Variants in TXNL1 observed in about 807,000 individuals in gnomAD.
The protein encoded by TXNL1 is thioredoxin-like protein 1.
A neutral mutation model predicts 35.5 loss-of-function variants in TXNL1; 14 were observed. The ratio of observed to expected loss-of-function variants is 0.39; its 90% CI spans 0.26 to 0.62. TXNL1 has a LOEUF of 0.62. Among genes scored for constraint, TXNL1 ranks in the 20% least tolerant of loss-of-function variants. The pLI, the probability that TXNL1 is intolerant of heterozygous loss-of-function variation, is 0.47. For missense variants in TXNL1, 263 were observed against 349.7 expected (o/e 0.75, Z 1.98); for synonymous variants, 110 against 115.5 (o/e 0.95, Z 0.31).
Position 56,626,409 on chromosome 18 carries a change from A to G in TXNL1, c.147T>C (p.Asn49=), listed in dbSNP as rs757397861. ...CCAAGAAAACAGCCTGTGGATATTT[A>G]TTACTCATAGAACTGAATGCTGGGG... is the stretch of plus-strand genomic sequence containing the variant. ...RIAPAFSSMS[N]KYPQAVFLEV... is the part of the protein sequence containing the mutation. The change falls in exon 2 of 8, where the codon AAT becomes AAC. Residue 49 remains asparagine (N), a synonymous_variant. Transcript: ENST00000217515. 2.2e-5 allele frequency: 36 copies of G among 1,613,832 alleles called. No individual in the cohort carries two copies. The highest frequency in any genetic ancestry group is 3.1e-5 in the Non-Finnish European group (36 of 1,179,930).
rs763952068 is a variant in TXNL1, at chr18:56,618,035, G to A, written c.461C>T (p.Thr154Ile). The change falls in exon 4 of 8, where the codon ACA becomes ATA. Residue 154 changes from threonine (T) to isoleucine (I), a missense_variant. Physicochemically the swap from Thr to Ile is moderately conservative, Grantham distance 89. Coordinates refer to ENST00000217515, the MANE Select transcript of TXNL1 (RefSeq NM_004786.3). ...HGFDNCLRKD[T>I]TFLESDCDEQ... ...ATCACAGTCAGATTCCAAGAAGGTT[G>A]TGTCTTTTCGTAAACAGTTGTCAAA... 6.2e-7 allele frequency: 1 copy of A among 1,613,950 alleles called. No homozygotes were observed. The highest frequency in any genetic ancestry group is 8.5e-7 in the Non-Finnish European group (1 of 1,179,940).
At chr18:56,606,281 G>T (rs1304817270) in intron 7 of TXNL1, among the ~76,000 whole-genome samples, 2 of 152,110 alleles carry the variant, frequency 1.3e-5, no homozygotes, top group Non-Finnish European at 2.9e-5. Flanking sequence ...AGAGGCTGAG[G>T]CAGGAGAATG....
chr18:56,625,022 TAA>T (rs1373138439), intron 2 of TXNL1, among the ~76,000 whole-genome samples: 1 of 152,194 alleles, frequency 6.6e-6, no homozygotes, highest in Non-Finnish European at 1.5e-5. Flanking sequence ...CACAATTGTA[TAA>T]GACTAACTAC....
intron 3 of TXNL1, among the ~76,000 whole-genome samples, chr18:56,622,601 C>T (rs559776208): frequency 6.6e-6 from 1 of 152,256 alleles, no homozygotes; most frequent in Non-Finnish European, 1.5e-5. Flanking sequence ...AACATTTGCA[C>T]AAAAACTAAA....
intron 4 of TXNL1, 34 bp from the exon 5 acceptor site, chr18:56,616,348 T>C: frequency 6.3e-7 from 1 of 1,579,410 alleles, no homozygotes; most frequent in Non-Finnish European, 8.7e-7. Context: ...TAAAGGGCTC[T>C]TGTACACACC....
At chr18:56,615,682 T>A (rs1230674487) in intron 5 of TXNL1, among the ~76,000 whole-genome samples, 2 of 152,096 alleles carry the variant, frequency 1.3e-5, no homozygotes, top group African/African-American at 4.8e-5. Flanking sequence ...AAGCTACAGT[T>A]TTAGAACAGT....
At chr18:56,624,195 T>TA in intron 3 of TXNL1, 93 bp downstream of exon 3, 1 of 1,341,442 alleles carries the variant, frequency 7.5e-7, no homozygotes, top group South Asian at 1.6e-5. Flanking sequence ...CAGTAAGAGA[T>TA]AGAAGATGGA....
At chr18:56,617,901 A>G in intron 4 of TXNL1, 103 bp downstream of exon 4, 1 of 1,387,872 alleles carries the variant, frequency 7.2e-7, no homozygotes, top group East Asian at 2.3e-5. Flanking sequence ...GGAAGAAGTG[A>G]TCATCTGGGA....
chr18:56,628,039 C>A (rs1598922703), intron 1 of TXNL1, among the ~76,000 whole-genome samples: 1 of 151,798 alleles, frequency 6.6e-6, no homozygotes, highest in African/African-American at 2.4e-5. Context: ...GACTGAAACC[C>A]AAAAGAAAAA....
chr18:56,604,844 G>T (rs1289047053), intron 7 of TXNL1, among the ~76,000 whole-genome samples: 1 of 152,022 alleles, frequency 6.6e-6, no homozygotes, highest in Admixed American at 6.6e-5. Flanking sequence ...AAACATAAAA[G>T]AACTTGATGC....
At chr18:56,610,772 T>C in intron 7 of TXNL1, 1 of 306,578 alleles carries the variant, frequency 3.3e-6, no homozygotes, top group Non-Finnish European at 5.9e-6. Flanking sequence ...AAAAGACTCT[T>C]TTATCAGTTA....
intron 1 of TXNL1, among the ~76,000 whole-genome samples, chr18:56,629,467 G>A (rs1044074211): frequency 6.6e-6 from 1 of 152,224 alleles, no homozygotes; most frequent in Admixed American, 6.5e-5. Context: ...AGCGGAGGTT[G>A]CGGTGAGCCA....
chr18:56,613,129 A>C (rs602841), intron 6 of TXNL1, among the ~76,000 whole-genome samples: 144,155 of 152,208 alleles, frequency 0.95, 68,766 homozygotes, highest in East Asian at 1. Flanking sequence ...AGTGAGCCAC[A>C]ACACCCAGCC....
chr18:56,619,537 CAAAAAAA>C (rs71169375), intron 3 of TXNL1, among the ~76,000 whole-genome samples: 1 of 82,090 alleles, frequency 1.2e-5, no homozygotes, highest in Non-Finnish European at 2.6e-5. Flanking sequence ...ACTCTGTCTC[CAAAAAAA>C]AAAAAAAAAA....
intron 7 of TXNL1, among the ~76,000 whole-genome samples, chr18:56,606,663 T>C (rs1219760270): frequency 1.3e-5 from 2 of 152,212 alleles, no homozygotes; most frequent in African/African-American, 4.8e-5. Flanking sequence ...AAAAGTCACC[T>C]AGCTGGTAAC....
In TXNL1 at chr18:56,618,048, A is replaced by C; in HGVS notation, c.448T>G (p.Leu150Val). 1 of 1,614,054 alleles carries C rather than the reference A, an allele frequency of 6.2e-7. No homozygotes were observed. Among genetic ancestry groups the C allele is most frequent in the Non-Finnish European group, 8.5e-7 (1 of 1,179,962 alleles). Residue 150 changes from leucine to valine, a missense_variant, in exon 4 of 8, where the codon TTA becomes GTA. By Grantham distance (32) the Leu-to-Val change is conservative. Transcript: ENST00000217515. ...TCCAAGAAGGTTGTGTCTTTTCGTA[A>C]ACAGTTGTCAAATCCATGCTCATCA... ...ESDEHGFDNC[L>V]RKDTTFLESD...
intron 1 of TXNL1, among the ~76,000 whole-genome samples, chr18:56,634,059 C>G (rs533596385): frequency 1.3e-5 from 2 of 149,108 alleles, no homozygotes; most frequent in African/African-American, 5.0e-5. Flanking sequence ...GGACAACGAA[C>G]GACACAATGT....
At position 56,602,683 on chromosome 18, in the gene TXNL1, C is replaced by T; in HGVS notation, c.*344G>A. The T allele has an allele frequency of 2.9e-6, 1 of 342,270 alleles. No homozygotes were observed. The highest frequency in any genetic ancestry group is 5.3e-6 in the Non-Finnish European group (1 of 187,886). The allele number at this position is 342,270 out of a possible 1,614,324, so 21.2% of individuals were successfully genotyped here. A position where few individuals can be genotyped will look rare whatever the true frequency, so the allele number is the denominator to read the frequency against. ...TGTGTACACATGTACTTCTTAATTC[C>T]CTAGAACAGTTTCTCCTTTTCTAAA... On this transcript the variant is annotated 3_prime_UTR_variant, in exon 8 of 8. Transcript: ENST00000217515.
At chr18:56,631,153 T>C (rs963025231) in intron 1 of TXNL1, among the ~76,000 whole-genome samples, 1 of 152,202 alleles carries the variant, frequency 6.6e-6, no homozygotes, top group African/African-American at 2.4e-5. Context: ...GTACTGGGAT[T>C]ACAAGTGTGA....
Sources: gnomAD v4.1 joint callset for allele counts (sites outside exome capture counted in the v4.1 genomes callset) on GRCh38, gnomAD v4.1.1 for gene constraint, MANE v1.5 for transcripts, NCBI Gene and HGNC (gene_info 2026-07-23, HGNC 2026-07-21) for gene names.